Variants in SUMF1 observed in about 807,000 individuals in gnomAD.
SUMF1 encodes the protein formylglycine-generating enzyme.
In SUMF1, 48 loss-of-function variants were observed where a neutral mutation model predicts 47.6. The ratio of observed to expected loss-of-function variants is 1.01; its 90% CI spans 0.80 to 1.28. The LOEUF is 1.28. SUMF1 is among the 50% of genes most tolerant of loss of function. SUMF1 has a pLI of 0.00. For synonymous variants in SUMF1, 230 were observed against 192.1 expected (o/e 1.20, Z -1.63); for missense variants, 571 against 485.4 (o/e 1.18, Z -1.66).
chr3:4,107,189 T>C (rs983768596), intron 8 of SUMF1, among the ~76,000 whole-genome samples: 2 of 152,104 alleles, frequency 1.3e-5, no homozygotes, highest in African/African-American at 4.8e-5. Context: ...GGTTTTCAGA[T>C]AAACAGTAAA....
Position 4,252,394 on chromosome 3 carries a change from A to T in SUMF1, c.1014+123936T>A, listed in dbSNP as rs186294944. ...CACACACACACCCCACTGGCTGTTTAAAACATTTGTACAACTTGCCTACAT... is the reference window on the plus strand; with the variant it reads ...CACACACACACCCCACTGGCTGTTTTAAACATTTGTACAACTTGCCTACAT... On this transcript the variant is annotated intron_variant and NMD_transcript_variant, in intron 8 of 12. Coordinates refer to the SUMF1 transcript ENST00000448413. Among the ~76,000 whole-genome samples the T allele has an allele frequency of 1.4e-3, 207 of 151,968 alleles. 1 individual carries two copies. The highest frequency in any genetic ancestry group is 0.01 in the Admixed American group (158 of 15,256).
At chr3:4,195,470 T>C (rs780116231) in intron 8 of SUMF1, among the ~76,000 whole-genome samples, 1 of 152,116 alleles carries the variant, frequency 6.6e-6, no homozygotes, top group East Asian at 1.9e-4. Flanking sequence ...ATATTCCTCC[T>C]ACAAAATATT....
At chr3:4,315,571 A>G (rs187678460) in intron 8 of SUMF1, among the ~76,000 whole-genome samples, 99 of 152,296 alleles carry the variant, frequency 6.5e-4, no homozygotes, top group Non-Finnish European at 1.2e-3. Context: ...TCCTAAGGTA[A>G]GAGTCAAAGA....
At chr3:4,108,478 T>G (rs897997499) in intron 8 of SUMF1, among the ~76,000 whole-genome samples, 4 of 152,048 alleles carry the variant, frequency 2.6e-5, no homozygotes, top group Non-Finnish European at 2.9e-5. Flanking sequence ...TGGATATCCT[T>G]GTTAACTTTC....
At chr3:4,300,297 C>A (rs1697936702) in intron 8 of SUMF1, among the ~76,000 whole-genome samples, 1 of 152,210 alleles carries the variant, frequency 6.6e-6, no homozygotes, top group African/African-American at 2.4e-5. Flanking sequence ...TTCCTGAGGC[C>A]TGCCCAGGAA....
intron 8 of SUMF1, among the ~76,000 whole-genome samples, chr3:4,253,467 G>T (rs1410931623): frequency 6.6e-6 from 1 of 152,154 alleles, no homozygotes; most frequent in Non-Finnish European, 1.5e-5. Flanking sequence ...AAGGGGTCAG[G>T]GAGTTCCCTT....
intron 8 of SUMF1, among the ~76,000 whole-genome samples, chr3:4,375,815 GA>G (rs1700308887): frequency 6.6e-6 from 1 of 152,142 alleles, no homozygotes; most frequent in South Asian, 2.1e-4. Flanking sequence ...AGCCAGCTCA[GA>G]CACTAAAATC....
chr3:4,425,098 A>G (rs1702027126), intron 3 of SUMF1, among the ~76,000 whole-genome samples: 1 of 152,196 alleles, frequency 6.6e-6, no homozygotes, highest in Non-Finnish European at 1.5e-5. Flanking sequence ...CTGTATTATG[A>G]TAATTAGGGA....
At chr3:4,280,267 A>G (rs1390842030) in intron 8 of SUMF1, among the ~76,000 whole-genome samples, 1 of 152,226 alleles carries the variant, frequency 6.6e-6, no homozygotes, top group East Asian at 1.9e-4. Flanking sequence ...TAAATGCACT[A>G]CAAATGTAAC....
chr3:4,303,444 C>A lies in SUMF1; in HGVS notation c.1014+72886G>T, dbSNP rs747784937. ...TTTAAGGAGAAGCCTGAGGCCCCGA[C>A]TGAGCAGCTGGATGTCGCGTGCGGC... is the stretch of plus-strand genomic sequence containing the variant. On this transcript the variant is annotated intron_variant and NMD_transcript_variant, in intron 8 of 12. Transcript: ENST00000448413. The A allele has an allele frequency of 5.2e-6, 8 of 1,548,336 alleles. No homozygotes were observed. The Admixed American group carries it at 1.6e-4, about 32-fold the overall frequency.
At chr3:4,352,265 G>A (rs2662125) in intron 8 of SUMF1, among the ~76,000 whole-genome samples, 1 of 151,894 alleles carries the variant, frequency 6.6e-6, no homozygotes, top group Non-Finnish European at 1.5e-5. Flanking sequence ...TTTTCTAAGT[G>A]CACATTGGGA....
chr3:4,173,415 C>A (rs1211907168), intron 8 of SUMF1, among the ~76,000 whole-genome samples: 2 of 152,162 alleles, frequency 1.3e-5, no homozygotes, highest in African/African-American at 2.4e-5. Context: ...AATAGGAACA[C>A]TTTTACACTG....
intron 1 of SUMF1, among the ~76,000 whole-genome samples, chr3:4,453,690 T>G (rs1055142205): frequency 1.3e-5 from 2 of 151,970 alleles, no homozygotes; most frequent in African/African-American, 2.4e-5. Flanking sequence ...CCCACCACCA[T>G]GCCCGGCTAA....
intron 8 of SUMF1, among the ~76,000 whole-genome samples, chr3:4,260,263 C>T (rs777859207): frequency 7.0e-6 from 1 of 143,786 alleles, no homozygotes; most frequent in African/African-American, 2.6e-5. Context: ...TACAAATATC[C>T]GTTCTATAAA....
chr3:4,036,849 C>CAAAAA (rs3048145), intron 9 of SUMF1, among the ~76,000 whole-genome samples: 1 of 75,142 alleles, frequency 1.3e-5, no homozygotes, highest in African/African-American at 5.8e-5. Context: ...GTCAGTGAGG[C>CAAAAA]AAAAAAAAAA....
chr3:4,302,066 A>G (rs1257215480), intron 8 of SUMF1, among the ~76,000 whole-genome samples: 3 of 152,210 alleles, frequency 2.0e-5, no homozygotes, highest in African/African-American at 7.2e-5. Context: ...ATTTAGGCCA[A>G]TGGGACCTCA....
intron 8 of SUMF1, among the ~76,000 whole-genome samples, chr3:4,252,537 G>C (rs563963929): frequency 1.1e-4 from 17 of 152,208 alleles, no homozygotes; most frequent in Non-Finnish European, 2.1e-4. Context: ...AGGGAATGAA[G>C]GCAACCAAGC....
At chr3:4,152,733 G>C (rs946343627) in intron 8 of SUMF1, among the ~76,000 whole-genome samples, 6 of 151,426 alleles carry the variant, frequency 4.0e-5, no homozygotes, top group Non-Finnish European at 8.8e-5. Flanking sequence ...TGCAGCCCAA[G>C]GCTGTCCTGA....
chr3:4,156,254 C>T (rs1694449616), intron 8 of SUMF1, among the ~76,000 whole-genome samples: 1 of 151,472 alleles, frequency 6.6e-6, no homozygotes, highest in Admixed American at 6.6e-5. Context: ...AGGGAAACAA[C>T]TTGCAACAGG....
Sources: gnomAD v4.1 joint callset for allele counts (sites outside exome capture counted in the v4.1 genomes callset) on GRCh38, gnomAD v4.1.1 for gene constraint, MANE v1.5 for transcripts, NCBI Gene and HGNC (gene_info 2026-07-23, HGNC 2026-07-21) for gene names.